Variants in DYRK1A observed in about 807,000 individuals in gnomAD.
DYRK1A encodes dual specificity tyrosine phosphorylation regulated kinase 1A, also known as dual specificity tyrosine-phosphorylation-regulated kinase 1A.
A neutral mutation model predicts 79.7 loss-of-function variants in DYRK1A; 9 were observed. The ratio of observed to expected loss-of-function variants is 0.11; its 90% confidence interval spans 0.07 to 0.20. DYRK1A has a LOEUF of 0.20. DYRK1A is among the 10% of genes least tolerant of loss of function. The pLI, the probability that DYRK1A is intolerant of heterozygous loss-of-function variation, is 1.00. For missense variants in DYRK1A, 622 were observed against 956.0 expected (o/e 0.65, Z 4.61); for synonymous variants, 349 against 329.7 (o/e 1.06, Z -0.63).
chr21:37,368,824 G>GAGTGATTCGTGTTT (rs1475571594), intron 1 of DYRK1A, among the ~76,000 whole-genome samples: 4 of 152,150 alleles, frequency 2.6e-5, no homozygotes, highest in African/African-American at 9.7e-5. Flanking sequence ...GCAAATTTTG[G>GAGTGATTCGTGTTT]AGTGATTCGT....
chr21:37,490,833 G>C (rs1415674493), intron 7 of DYRK1A, among the ~76,000 whole-genome samples: 2 of 151,932 alleles, frequency 1.3e-5, no homozygotes, highest in South Asian at 4.1e-4. Context: ...AAGATTAAGG[G>C]AGAGAATAGG....
At chr21:37,492,956 A>G in intron 7 of DYRK1A, 61 bp from the exon 8 acceptor site, 1 of 1,365,616 alleles carries the variant, frequency 7.3e-7, no homozygotes, top group Middle Eastern at 1.9e-4. Flanking sequence ...CAATGTTTTT[A>G]ATCCAATGCT....
chr21:37,389,039 A>T (rs879270552), intron 1 of DYRK1A, among the ~76,000 whole-genome samples: 18 of 139,848 alleles, frequency 1.3e-4, no homozygotes, highest in African/African-American at 2.4e-4. Flanking sequence ...CTTTTAAATT[A>T]AAAAAAAAAA....
intron 1 of DYRK1A, among the ~76,000 whole-genome samples, chr21:37,379,754 A>G (rs2049618422): frequency 6.6e-6 from 1 of 152,088 alleles, no homozygotes; most frequent in African/African-American, 2.4e-5. Context: ...GCATCTTAGT[A>G]TTTGCCTGAA....
chr21:37,403,453 TAAA>T, intron 1 of DYRK1A, among the ~76,000 whole-genome samples: 1 of 151,916 alleles, frequency 6.6e-6, no homozygotes, highest in Non-Finnish European at 1.5e-5. Context: ...ATTTTTGTAT[TAAA>T]AAACAACAAC....
intron 5 of DYRK1A, chr21:37,481,746 C>G (rs949369213): frequency 6.6e-6 from 1 of 152,062 alleles, no homozygotes; most frequent in Non-Finnish European, 1.5e-5. Flanking sequence ...TGACTCACAC[C>G]TATAATCCCA....
chr21:37,431,054 A>C (rs535847987), intron 2 of DYRK1A, among the ~76,000 whole-genome samples: 3 of 152,120 alleles, frequency 2.0e-5, no homozygotes, highest in East Asian at 3.9e-4. Context: ...AAACTGACAA[A>C]ATCTTTGGTT....
chr21:37,429,917 AATACAT>A (rs1374034196), intron 2 of DYRK1A, among the ~76,000 whole-genome samples: 2 of 152,192 alleles, frequency 1.3e-5, no homozygotes, highest in African/African-American at 4.8e-5. Flanking sequence ...CATGATTTTT[AATACAT>A]TAGTATGTTT....
intron 2 of DYRK1A, among the ~76,000 whole-genome samples, chr21:37,440,018 CTT>C (rs773906182): frequency 6.7e-6 from 1 of 149,276 alleles, no homozygotes; most frequent in African/African-American, 2.5e-5. Context: ...ATTTTTATAT[CTT>C]ATGTTCATGA....
chr21:37,376,212 A>G (rs1000232863), intron 1 of DYRK1A, among the ~76,000 whole-genome samples: 1 of 152,140 alleles, frequency 6.6e-6, no homozygotes, highest in Non-Finnish European at 1.5e-5. Flanking sequence ...ACTGAGAAAA[A>G]TGAAGGGTAT....
rs1569304647 is a variant in DYRK1A at position 37,417,537 on chromosome 21, T to TTTTTTTTC, written c.-76-2755_-76-2754insCTTTTTTT. ...TTTTTCTTTTTCTTTTTCTTTTTTTTTTTTTTTTTTTTTTTTTACAAATCT... is the reference window on the plus strand; with the variant it reads ...TTTTTCTTTTTCTTTTTCTTTTTTTTTTTTTTTCTTTTTTTTTTTTTTTTTACAAATCT... On this transcript the variant is annotated intron_variant, in intron 1 of 11. Coordinates refer to ENST00000647188, the MANE Select transcript of DYRK1A (RefSeq NM_001347721.2). 1.9e-4 allele frequency among the ~76,000 whole-genome samples: 20 copies of TTTTTTTTC among 107,380 alleles called. 1 individual carries two copies. Among genetic ancestry groups the TTTTTTTTC allele is most frequent in the African/African-American group, 6.7e-4 (20 of 29,960 alleles). 70.4% of individuals were successfully genotyped at this position (107,380 alleles called of 152,430 possible).
intron 1 of DYRK1A, among the ~76,000 whole-genome samples, chr21:37,408,014 A>G (rs943495951): frequency 3.9e-5 from 6 of 152,154 alleles, no homozygotes; most frequent in Admixed American, 6.5e-5. Flanking sequence ...TCAAAAAAAA[A>G]AAGTTATAGA....
At chr21:37,488,955 C>G (rs1217692323) in intron 6 of DYRK1A, 2 of 806,230 alleles carry the variant, frequency 2.5e-6, no homozygotes, top group Middle Eastern at 6.3e-4. Context: ...TTAAGGATTC[C>G]TTTTGTTATT....
Position 37,512,384 on chromosome 21 carries a change from T to C in DYRK1A, c.2118T>C (p.Ala706=), listed in dbSNP as rs148838994. Residue 706 remains alanine (A), a synonymous_variant, in exon 12 of 12, where the codon GCT becomes GCC. Transcript: ENST00000647188. ...YSNPRQETGI[A]GHPTYQFSAN... ...ATCCCCGCCAAGAGACTGGCATAGC[T>C]GGACATCCAACATACCAATTTTCTG... 12 of 1,614,130 alleles carry C rather than the reference T, an allele frequency of 7.4e-6. No individual in the cohort carries two copies. In the African/African-American group the frequency reaches 1.6e-4, roughly 22 times the overall value.
intron 1 of DYRK1A, among the ~76,000 whole-genome samples, chr21:37,386,268 G>A (rs1217520246): frequency 3.9e-5 from 6 of 152,028 alleles, no homozygotes; most frequent in Non-Finnish European, 2.9e-5. Flanking sequence ...AATAAATGTA[G>A]TGCGCTTGAA....
intron 9 of DYRK1A, among the ~76,000 whole-genome samples, chr21:37,500,695 T>G (rs1569391635): frequency 1.3e-5 from 2 of 152,084 alleles, no homozygotes. Context: ...GTAAGTTGTA[T>G]CTTTCAAGAA....
chr21:37,375,918 G>A (rs2049529634), intron 1 of DYRK1A, among the ~76,000 whole-genome samples: 1 of 151,998 alleles, frequency 6.6e-6, no homozygotes, highest in Non-Finnish European at 1.5e-5. Context: ...AGGCATGCCT[G>A]TTTTTGCACC....
intron 2 of DYRK1A, among the ~76,000 whole-genome samples, chr21:37,464,717 C>T (rs763600637): frequency 6.6e-6 from 1 of 152,092 alleles, no homozygotes; most frequent in Non-Finnish European, 1.5e-5. Flanking sequence ...TATGAAATTA[C>T]TGTTTTTGTA....
chr21:37,457,801 CTT>C (rs2051702240), intron 2 of DYRK1A, among the ~76,000 whole-genome samples: 1 of 151,946 alleles, frequency 6.6e-6, no homozygotes, highest in South Asian at 2.1e-4. Flanking sequence ...TGCTTCTCCC[CTT>C]TTCTCCCTGG....
Sources: allele counts gnomAD v4.1 joint callset (sites outside exome capture counted in the v4.1 genomes callset), GRCh38; gene constraint gnomAD v4.1.1; transcripts MANE v1.5; gene names NCBI Gene and HGNC (gene_info 2026-07-23, HGNC 2026-07-21).